FANCC: variants seen among roughly 807,000 people sequenced by gnomAD.
The protein encoded by FANCC is Fanconi anemia group C protein.
FANCC carries 55 observed loss-of-function variants against 71.3 expected under a neutral mutation model. The observed-to-expected ratio is 0.77, with a 90% confidence interval of 0.62 to 0.97. The LOEUF is 0.97. Among genes scored for constraint, FANCC ranks in the 50% least tolerant of loss-of-function variants. The pLI is 0.00. For synonymous variants in FANCC, 275 were observed against 244.9 expected (o/e 1.12, Z -1.15); for missense variants, 678 against 670.9 (o/e 1.01, Z -0.12).
chr9:95,244,918 C>T (rs1374525957), intron 3 of FANCC, among the ~76,000 whole-genome samples: 1 of 151,898 alleles, frequency 6.6e-6, no homozygotes, highest in Non-Finnish European at 1.5e-5. Flanking sequence ...CTTATTGACT[C>T]TAATCCATAA....
intron 14 of FANCC, among the ~76,000 whole-genome samples, chr9:95,106,283 GT>G (rs2071440763): frequency 2.6e-5 from 4 of 152,282 alleles, no homozygotes; most frequent in Admixed American, 2.0e-4. Context: ...GTCTGTTCAA[GT>G]CCTTTGCCCA....
intron 1 of FANCC, among the ~76,000 whole-genome samples, chr9:95,280,354 TGATA>T (rs1177859781): frequency 6.6e-6 from 1 of 152,074 alleles, no homozygotes; most frequent in Non-Finnish European, 1.5e-5. Context: ...TCATTTTCAG[TGATA>T]GATAAAACAA....
At chr9:95,299,110 C>G (rs904591100) in intron 1 of FANCC, among the ~76,000 whole-genome samples, 1 of 152,214 alleles carries the variant, frequency 6.6e-6, no homozygotes, top group African/African-American at 2.4e-5. Context: ...ATTTACCTTA[C>G]TTTTAACTTT....
At chr9:95,306,691 T>C (rs4647364) in intron 1 of FANCC, among the ~76,000 whole-genome samples, 6 of 152,190 alleles carry the variant, frequency 3.9e-5, no homozygotes, top group African/African-American at 1.4e-4. Flanking sequence ...GCTCTTTTGA[T>C]TATTGAAAAG....
chr9:95,275,370 A>G (rs987492739), intron 1 of FANCC, among the ~76,000 whole-genome samples: 4 of 152,190 alleles, frequency 2.6e-5, no homozygotes, highest in African/African-American at 9.7e-5. Flanking sequence ...TAGGTAGAAC[A>G]CGGAGGATTT....
intron 13 of FANCC, chr9:95,107,632 A>C: frequency 2.5e-6 from 1 of 399,182 alleles, no homozygotes; most frequent in Non-Finnish European, 4.7e-6. Context: ...CCACAAATCA[A>C]TTAAAGCCCC....
chr9:95,247,329 A>AT (rs1831048153), intron 3 of FANCC, 103 bp downstream of exon 3: 1 of 855,316 alleles, frequency 1.2e-6, no homozygotes, highest in Admixed American at 2.0e-5. Flanking sequence ...AAGTTGTTCC[A>AT]TTAAAAAAAA....
intron 13 of FANCC, 127 bp downstream of exon 13, chr9:95,111,336 C>T (rs1373924260): frequency 6.3e-7 from 1 of 1,597,760 alleles, no homozygotes; most frequent in Non-Finnish European, 8.5e-7. Flanking sequence ...GTTGCCATGA[C>T]ATATGCCATC....
chr9:95,102,486 T>C (rs961162902), intron 14 of FANCC, among the ~76,000 whole-genome samples: 2 of 152,148 alleles, frequency 1.3e-5, no homozygotes, highest in African/African-American at 4.8e-5. Flanking sequence ...AATTTAGCTG[T>C]GTGGGGAATT....
chr9:95,125,223 A>C, intron 9 of FANCC, 38 bp from the exon 10 acceptor site: 2 of 1,543,742 alleles, frequency 1.3e-6, no homozygotes, highest in Non-Finnish European at 1.8e-6. Context: ...ACGTTTAACA[A>C]GTAATCCGGC....
chr9:95,186,151 C>G (rs1035312563), intron 4 of FANCC, among the ~76,000 whole-genome samples: 2 of 152,192 alleles, frequency 1.3e-5, no homozygotes, highest in African/African-American at 4.8e-5. Context: ...ATCTGCTTCT[C>G]CAACAGGAGC....
At chr9:95,104,376 T>TG (rs2071282481) in intron 14 of FANCC, among the ~76,000 whole-genome samples, 1 of 152,190 alleles carries the variant, frequency 6.6e-6, no homozygotes, top group African/African-American at 2.4e-5. Flanking sequence ...GCTCTGGGAA[T>TG]GGGCTTCTGC....
Position 95,284,877 on chromosome 9 carries a change from T to TACACACAC in FANCC, c.-79+32641_-79+32648dup, listed in dbSNP as rs71366285. 1.2e-3 allele frequency among the ~76,000 whole-genome samples: 175 copies of TACACACAC among 147,684 alleles called. 2 individuals are homozygous for TACACACAC. The highest frequency in any genetic ancestry group is 6.8e-3 in the Admixed American group (101 of 14,824). On this transcript the variant is annotated intron_variant, in intron 1 of 14. Coordinates refer to ENST00000289081, the MANE Select transcript of FANCC (RefSeq NM_000136.3). Reference sequence around the variant, plus strand: ...CCTCTCTCTCACACACACACACACATACACACACACACACACACACACACA... The same window carrying TACACACAC: ...CCTCTCTCTCACACACACACACACATACACACACACACACACACACACACACACACACA...
At chr9:95,301,913 T>TAA (rs753118112) in intron 1 of FANCC, among the ~76,000 whole-genome samples, 8 of 113,008 alleles carry the variant, frequency 7.1e-5, no homozygotes, top group Admixed American at 8.8e-5. Flanking sequence ...CCATCTCCAC[T>TAA]AAAAAAAAAA....
At chr9:95,311,208 C>G (rs1374069246) in intron 1 of FANCC, among the ~76,000 whole-genome samples, 2 of 128,854 alleles carry the variant, frequency 1.6e-5, no homozygotes, top group South Asian at 2.5e-4. Context: ...CACTCCAGCC[C>G]GGGAGACAGA....
At chr9:95,286,479 A>G (rs1432678607) in intron 1 of FANCC, among the ~76,000 whole-genome samples, 1 of 152,244 alleles carries the variant, frequency 6.6e-6, no homozygotes, top group Non-Finnish European at 1.5e-5. Context: ...TTATCATTCA[A>G]TCATTTACCT....
At chr9:95,212,865 T>C (rs543782423) in intron 4 of FANCC, among the ~76,000 whole-genome samples, 33 of 152,312 alleles carry the variant, frequency 2.2e-4, no homozygotes, top group African/African-American at 7.0e-4. Flanking sequence ...TATACACATA[T>C]GTTATGCACT....
chr9:95,114,743 C>A, intron 11 of FANCC, 33 bp from the exon 12 acceptor site: 1 of 1,594,036 alleles, frequency 6.3e-7, no homozygotes, highest in South Asian at 1.1e-5. Context: ...CAGAGGGCAA[C>A]TGAGGAAATG....
At chr9:95,127,836 ACTG>A (rs1826243598) in intron 8 of FANCC, among the ~76,000 whole-genome samples, 1 of 152,192 alleles carries the variant, frequency 6.6e-6, no homozygotes, top group African/African-American at 2.4e-5. Context: ...ACTGGTCAGC[ACTG>A]CTGGACCCGC....
Sources: allele counts gnomAD v4.1 joint callset (sites outside exome capture counted in the v4.1 genomes callset), GRCh38; gene constraint gnomAD v4.1.1; transcripts MANE v1.5; gene names NCBI Gene and HGNC (gene_info 2026-07-23, HGNC 2026-07-21).